The following DNAI1 variants were observed in gnomAD, a reference collection of about 807,000 sequenced individuals.
DNAI1 encodes dynein axonemal intermediate chain 1.
Under a neutral mutation model 92.0 loss-of-function variants are expected in DNAI1, and 67 were observed. That is an observed-to-expected ratio of 0.73 (90% confidence interval 0.60 to 0.89). The LOEUF (loss-of-function observed/expected upper bound fraction) is 0.89. Ranked by LOEUF, DNAI1 falls within the 40% of genes least tolerant of loss-of-function variation. The pLI is 0.00. For missense variants in DNAI1, 839 were observed against 866.6 expected, an observed-to-expected ratio of 0.97 and a Z score of 0.40; for synonymous variants, 323 against 319.6, an observed-to-expected ratio of 1.01 and a Z score of -0.11.
intron 8 of DNAI1, among the ~76,000 whole-genome samples, chr9:34,492,242 G>A (rs184384645): frequency 3.2e-4 from 48 of 151,978 alleles, no homozygotes; most frequent in African/African-American, 1.1e-3. Flanking sequence ...TTGCTTATCT[G>A]ACCTCCAGGT....
chr9:34,468,045 G>A (rs777275024), intron 1 of DNAI1, among the ~76,000 whole-genome samples: 1 of 152,096 alleles, frequency 6.6e-6, no homozygotes, highest in Non-Finnish European at 1.5e-5. Flanking sequence ...ATGGATGCAC[G>A]GATGGAGAAT....
chr9:34,489,752 G>A (rs1308809278), intron 5 of DNAI1, among the ~76,000 whole-genome samples: 1 of 152,164 alleles, frequency 6.6e-6, no homozygotes, highest in African/African-American at 2.4e-5. Context: ...GGGAGGCTGA[G>A]GCAGGAGAAT....
At chr9:34,485,054 C>T (rs1824443872) in intron 2 of DNAI1, 88 bp from the exon 3 acceptor site, 5 of 1,309,830 alleles carry the variant, frequency 3.8e-6, no homozygotes, top group East Asian at 2.3e-5. Context: ...AGCTTGGCTT[C>T]TGGGAGTGTT....
At chr9:34,515,212 A>T (rs1009139307) in intron 18 of DNAI1, among the ~76,000 whole-genome samples, 1 of 152,248 alleles carries the variant, frequency 6.6e-6, no homozygotes, top group East Asian at 1.9e-4. Flanking sequence ...GTGAGAGCTC[A>T]GAAACAAACA....
At chr9:34,505,524 G>A (rs947604908) in intron 12 of DNAI1, among the ~76,000 whole-genome samples, 1 of 152,186 alleles carries the variant, frequency 6.6e-6, no homozygotes, top group Non-Finnish European at 1.5e-5. Flanking sequence ...CAGGGGATTA[G>A]GATATGGACA....
intron 1 of DNAI1, among the ~76,000 whole-genome samples, chr9:34,482,426 T>TG (rs1372312689): frequency 6.7e-6 from 1 of 149,240 alleles, no homozygotes; most frequent in Non-Finnish European, 1.5e-5. Flanking sequence ...TGTTGATTGG[T>TG]GCACTCACAA....
At position 34,490,134 on chromosome 9, in the gene DNAI1, A is replaced by C. The variant is rs765805502; in HGVS notation, c.501+10A>C. On this transcript the variant is annotated intron_variant, in intron 6 of 19. Coordinates refer to ENST00000242317, the MANE Select transcript of DNAI1 (RefSeq NM_012144.4). ...TGTGCCTGCAGCTGGGGTACAGTAT[A>C]ATATCGCTCTGTGTCCCTCTTCTTC... is the stretch of plus-strand genomic sequence containing the variant. The C allele has an allele frequency of 3.7e-5, 60 of 1,613,672 alleles. No homozygotes were observed. Among genetic ancestry groups the C allele is most frequent in the Non-Finnish European group, 5.0e-5 (59 of 1,179,882 alleles).
At chr9:34,512,869 C>A (rs541187629) in intron 15 of DNAI1, among the ~76,000 whole-genome samples, 1 of 152,352 alleles carries the variant, frequency 6.6e-6, no homozygotes, top group Non-Finnish European at 1.5e-5. Context: ...CCCAGGCCCC[C>A]ATTCCTGTCT....
At chr9:34,466,777 A>C (rs1824046285) in intron 1 of DNAI1, among the ~76,000 whole-genome samples, 1 of 152,216 alleles carries the variant, frequency 6.6e-6, no homozygotes, top group Admixed American at 6.5e-5. Context: ...TCTCTTAACA[A>C]CTATGTTTCA....
At chr9:34,495,902 C>T (rs1824712219) in intron 9 of DNAI1, among the ~76,000 whole-genome samples, 1 of 152,280 alleles carries the variant, frequency 6.6e-6, no homozygotes, top group African/African-American at 2.4e-5. Flanking sequence ...CTGCAAGACT[C>T]CAGTGAATGC....
intron 1 of DNAI1, among the ~76,000 whole-genome samples, chr9:34,472,626 G>A (rs765747039): frequency 7.9e-5 from 12 of 152,180 alleles, no homozygotes; most frequent in Non-Finnish European, 1.5e-4. Flanking sequence ...ATTAGGCTGG[G>A]TGCAGTGGTT....
intron 1 of DNAI1, among the ~76,000 whole-genome samples, chr9:34,477,330 C>G (rs2132049804): frequency 6.6e-6 from 1 of 152,246 alleles, no homozygotes; most frequent in Non-Finnish European, 1.5e-5. Context: ...AGTTTGGGTT[C>G]AAATCCTGGT....
At position 34,491,495 on chromosome 9, in the gene DNAI1, G is replaced by T. The variant is rs1184904305; in HGVS notation, c.622G>T (p.Asp208Tyr). The change falls in exon 8 of 20, where the codon GAT (aspartate) becomes TAT (tyrosine). Residue 208 changes from aspartate to tyrosine, a missense_variant and splice_region_variant. By Grantham distance (160) the Asp-to-Tyr change is radical (BLOSUM62 -3). Coordinates refer to ENST00000242317, the MANE Select transcript of DNAI1 (RefSeq NM_012144.4). ...GGTCTCCTGTTGTCTTGTTCTTTAG[G>T]ATCGAGAATGCCAGACGGAGCCTCC... The part of the protein sequence containing the change: ...ASQTYNNPVR[D>Y]RECQTEPPPR... 1 of 1,614,152 alleles carries T rather than the reference G, an allele frequency of 6.2e-7. No individual in the cohort carries two copies. The highest frequency in any genetic ancestry group is 1.7e-5 in the Admixed American group (1 of 60,020).
chr9:34,472,851 G>A (rs1031760734), intron 1 of DNAI1, among the ~76,000 whole-genome samples: 2 of 151,910 alleles, frequency 1.3e-5, no homozygotes, highest in African/African-American at 2.4e-5. Context: ...GCAGTGAGCC[G>A]TGATTGTGTT....
intron 10 of DNAI1, among the ~76,000 whole-genome samples, chr9:34,499,233 C>T (rs1824780178): frequency 6.6e-6 from 1 of 152,228 alleles, no homozygotes; most frequent in Non-Finnish European, 1.5e-5. Context: ...TCTCTGACCA[C>T]TTGAATCTTT....
At chr9:34,487,136 T>C (rs1252879574) in intron 4 of DNAI1, among the ~76,000 whole-genome samples, 8 of 152,184 alleles carry the variant, frequency 5.3e-5, no homozygotes, top group Non-Finnish European at 1.2e-4. Flanking sequence ...TTATTTAAGA[T>C]TGTGTAGTCA....
intron 1 of DNAI1, 144 bp downstream of exon 1, chr9:34,459,197 A>T: frequency 1.3e-6 from 1 of 789,342 alleles, no homozygotes. Flanking sequence ...AAGTGCTCCC[A>T]CTGACCTCTG....
At chr9:34,486,723 A>G (rs1824481755) in intron 4 of DNAI1, among the ~76,000 whole-genome samples, 2 of 152,334 alleles carry the variant, frequency 1.3e-5, no homozygotes, top group South Asian at 4.1e-4. Context: ...CCACAATTTT[A>G]GAACATTTTC....
chr9:34,514,612 A>G, intron 17 of DNAI1, 28 bp from the exon 18 acceptor site: 2 of 1,614,196 alleles, frequency 1.2e-6, no homozygotes, highest in Non-Finnish European at 1.7e-6. Context: ...CCTCTGTGCC[A>G]TGGGCTTTCC....
Sources: gnomAD v4.1 joint callset for allele counts (sites outside exome capture counted in the v4.1 genomes callset) on GRCh38, gnomAD v4.1.1 for gene constraint, MANE v1.5 for transcripts, NCBI Gene and HGNC (gene_info 2026-07-23, HGNC 2026-07-21) for gene names.